Variants in LCORL observed in about 807,000 individuals in gnomAD.
LCORL encodes the protein ligand-dependent nuclear receptor corepressor-like protein.
LCORL carries 41 observed loss-of-function variants against 141.8 expected under a neutral mutation model. The observed-to-expected ratio is 0.29, with a 90% CI of 0.23 to 0.38. LCORL has a LOEUF of 0.38. Ranked by LOEUF, LCORL falls within the 10% of genes least tolerant of loss-of-function variation. LCORL has a pLI of 1.00. For missense variants in LCORL, 1,759 were observed against 2,035.0 expected, an observed-to-expected ratio of 0.86 and a Z score of 2.61; for synonymous variants, 618 against 694.1, an observed-to-expected ratio of 0.89 and a Z score of 1.72.
chr4:17,851,761 G>A (rs926508599), intron 7 of LCORL, among the ~76,000 whole-genome samples: 1 of 152,150 alleles, frequency 6.6e-6, no homozygotes, highest in Non-Finnish European at 1.5e-5. Context: ...GCCCTTCGGA[G>A]ACTGTACCAT....
At chr4:17,948,911 G>A (rs1249051541) in intron 4 of LCORL, among the ~76,000 whole-genome samples, 2 of 152,034 alleles carry the variant, frequency 1.3e-5, no homozygotes, top group Non-Finnish European at 2.9e-5. Context: ...CCAAGAAAGA[G>A]AGGAGTGATG....
intron 7 of LCORL, among the ~76,000 whole-genome samples, chr4:17,850,401 C>G (rs1414002004): frequency 6.7e-6 from 1 of 150,220 alleles, no homozygotes; most frequent in Non-Finnish European, 1.5e-5. Flanking sequence ...GGGCTAATAT[C>G]CAGAATCTAC....
At chr4:17,901,116 A>ATTCAT (rs1730798003) in intron 5 of LCORL, among the ~76,000 whole-genome samples, 1 of 152,040 alleles carries the variant, frequency 6.6e-6, no homozygotes, top group Admixed American at 6.6e-5. Context: ...ACATTATTCT[A>ATTCAT]GTTTCATGTT....
At chr4:17,968,480 T>G (rs890858530) in intron 2 of LCORL, among the ~76,000 whole-genome samples, 1 of 152,226 alleles carries the variant, frequency 6.6e-6, no homozygotes, top group Non-Finnish European at 1.5e-5. Context: ...ATTCAAAATA[T>G]TTCATTAAAC....
At chr4:17,979,517 C>T (rs1166562328) in intron 1 of LCORL, among the ~76,000 whole-genome samples, 2 of 152,102 alleles carry the variant, frequency 1.3e-5, no homozygotes, top group Non-Finnish European at 2.9e-5. Context: ...ATATTCAGGT[C>T]TATAATTTAT....
exon 7 of LCORL, chr4:17,875,819 C>T: frequency 1.6e-6 from 2 of 1,231,194 alleles, no homozygotes; most frequent in African/African-American, 1.6e-5. Context: ...CTTCTTGTGG[C>T]TTATCACTAT....
rs1316776075 is a variant in LCORL at position 17,886,285 on chromosome 4, T to C, written c.683-124A>G. 8 of 632,452 alleles carry C rather than the reference T, an allele frequency of 1.3e-5. No homozygotes were observed. In the Admixed American group the frequency reaches 1.8e-4, roughly 14 times the overall value. The allele number at this position is 632,452 out of a possible 1,614,324, so 39.2% of individuals were successfully genotyped here. Reference sequence around the variant, plus strand: ...GTATTTGATATGTGGCCATTACCTATTCATCTTAAACGGGTTTAGGAACAG... The same window carrying C: ...GTATTTGATATGTGGCCATTACCTACTCATCTTAAACGGGTTTAGGAACAG... On this transcript the variant is annotated intron_variant, in intron 5 of 7. Coordinates refer to ENST00000635767, the Ensembl canonical transcript of LCORL.
At chr4:17,869,430 G>C (rs1726077276) in intron 7 of LCORL, among the ~76,000 whole-genome samples, 1 of 151,988 alleles carries the variant, frequency 6.6e-6, no homozygotes, top group Non-Finnish European at 1.5e-5. Context: ...AACTCTTGTT[G>C]CTATATTCAA....
rs1248899320 is a variant in LCORL, at chr4:17,884,330, C to T, written c.776+1738G>A. The T allele has an allele frequency of 1.9e-6, 3 of 1,547,148 alleles. No homozygotes were observed. Among genetic ancestry groups the T allele is most frequent in the Non-Finnish European group, 2.6e-6 (3 of 1,145,572 alleles). On this transcript the variant is annotated intron_variant, in intron 6 of 7. Transcript: ENST00000635767. This position sits in a 1 kb window ranked among gnomAD's most constrained non-coding sequence, Gnocchi z 4.4. ...AGGATTTGAAGTTTCATATTGGAGG[C>T]TTTCATTTTTTTCTTTAAACTGAGT...
chr4:17,883,639 C>T, intron 6 of LCORL: 1 of 1,436,178 alleles, frequency 7.0e-7, no homozygotes, highest in Non-Finnish European at 9.1e-7. Context: ...TATAGACACA[C>T]AAATACACAC....
At chr4:17,858,503 T>C (rs1371466296) in intron 7 of LCORL, among the ~76,000 whole-genome samples, 1 of 151,336 alleles carries the variant, frequency 6.6e-6, no homozygotes, top group Non-Finnish European at 1.5e-5. Context: ...GGCAGGTGGA[T>C]CACCTGAGGT....
At chr4:17,926,997 C>T (rs1405162244) in intron 4 of LCORL, among the ~76,000 whole-genome samples, 1 of 152,146 alleles carries the variant, frequency 6.6e-6, no homozygotes, top group Non-Finnish European at 1.5e-5. Context: ...CTATGAAAGC[C>T]CTAGACGGCG....
intron 5 of LCORL, among the ~76,000 whole-genome samples, chr4:17,894,558 A>G (rs1195501105): frequency 6.6e-6 from 1 of 152,224 alleles, no homozygotes; most frequent in Non-Finnish European, 1.5e-5. Flanking sequence ...CAAGATGAGT[A>G]AAAAGAATTA....
At chr4:17,892,734 A>C (rs1729303924) in intron 5 of LCORL, among the ~76,000 whole-genome samples, 1 of 152,202 alleles carries the variant, frequency 6.6e-6, no homozygotes, top group Non-Finnish European at 1.5e-5. Context: ...CATTTCCACC[A>C]AATGCCACTT....
chr4:17,862,199 A>G (rs1351635790), intron 7 of LCORL, among the ~76,000 whole-genome samples: 1 of 152,240 alleles, frequency 6.6e-6, no homozygotes, highest in African/African-American at 2.4e-5. Flanking sequence ...TACAAAGGAA[A>G]GAAGCTTAAT....
chr4:17,986,597 G>C (rs1719015641), intron 1 of LCORL, among the ~76,000 whole-genome samples: 1 of 152,052 alleles, frequency 6.6e-6, no homozygotes, highest in Admixed American at 6.6e-5. Context: ...GTGTTTTTCT[G>C]CTCTATCAGA....
At chr4:17,916,377 A>G (rs1733409726) in intron 4 of LCORL, among the ~76,000 whole-genome samples, 1 of 152,120 alleles carries the variant, frequency 6.6e-6, no homozygotes. Context: ...TTTTGGTAAT[A>G]ATGGGGCAGA....
intron 5 of LCORL, among the ~76,000 whole-genome samples, chr4:17,906,834 G>A (rs917646790): frequency 2.6e-5 from 4 of 151,976 alleles, no homozygotes; most frequent in Non-Finnish European, 5.9e-5. Flanking sequence ...CTACAGGCAT[G>A]TGCCACCACG....
At chr4:17,879,376 T>TG (rs1727270693) in intron 6 of LCORL, among the ~76,000 whole-genome samples, 1 of 150,956 alleles carries the variant, frequency 6.6e-6, no homozygotes, top group Non-Finnish European at 1.5e-5. Context: ...AAAACTTTTC[T>TG]GGAAAAAAAG....
Sources: gnomAD v4.1 joint callset for allele counts (sites outside exome capture counted in the v4.1 genomes callset) on GRCh38, gnomAD v4.1.1 for gene constraint, Gnocchi (gnomAD v3.1) non-coding constraint, MANE v1.5 for transcripts, NCBI Gene and HGNC (gene_info 2026-07-23, HGNC 2026-07-21) for gene names.